BABAM2: variants seen among roughly 807,000 people sequenced by gnomAD.
BABAM2 encodes BRISC and BRCA1-A complex member 2.
A neutral mutation model predicts 54.7 loss-of-function variants in BABAM2; 31 were observed. The observed-to-expected ratio is 0.57, with a 90% CI of 0.43 to 0.77. The LOEUF (loss-of-function observed/expected upper bound fraction) is 0.77. BABAM2 is among the 30% of genes least tolerant of loss of function. The probability of loss-of-function intolerance (pLI) is 0.00; values close to 1 mark genes in which losing one functional copy is unlikely to be tolerated. For synonymous variants in BABAM2, 167 were observed against 162.9 expected (o/e 1.03, Z -0.19); for missense variants, 364 against 455.8 (o/e 0.80, Z 1.83).
At chr2:28,265,566 G>GA (rs1283042110) in intron 10 of BABAM2, among the ~76,000 whole-genome samples, 2 of 152,114 alleles carry the variant, frequency 1.3e-5, no homozygotes, top group Non-Finnish European at 2.9e-5. Context: ...AGCTTTGGGG[G>GA]ATGGGAAAGA....
At chr2:27,987,583 G>A (rs1439926326) in intron 3 of BABAM2, among the ~76,000 whole-genome samples, 6 of 152,070 alleles carry the variant, frequency 3.9e-5, no homozygotes, top group African/African-American at 1.4e-4. Flanking sequence ...GGGAGGCTGA[G>A]GTGGGTTGAT....
intron 4 of BABAM2, among the ~76,000 whole-genome samples, chr2:28,000,861 C>T (rs1480168048): frequency 6.6e-6 from 1 of 152,136 alleles, no homozygotes; most frequent in Non-Finnish European, 1.5e-5. Context: ...CTTTGATATG[C>T]CCCCATCATT....
intron 6 of BABAM2, among the ~76,000 whole-genome samples, chr2:28,124,711 C>T (rs932855296): frequency 1.3e-5 from 2 of 152,190 alleles, no homozygotes; most frequent in Non-Finnish European, 2.9e-5. Context: ...CTCTTACCCA[C>T]TTATCCCCCT....
intron 6 of BABAM2, among the ~76,000 whole-genome samples, chr2:28,067,398 A>G (rs1663704854): frequency 6.6e-6 from 1 of 152,218 alleles, no homozygotes; most frequent in Non-Finnish European, 1.5e-5. Flanking sequence ...CATACTGAAC[A>G]GTTAACCTGA....
At chr2:28,157,136 C>T (rs1672618712) in intron 7 of BABAM2, among the ~76,000 whole-genome samples, 1 of 152,138 alleles carries the variant, frequency 6.6e-6, no homozygotes, top group Admixed American at 6.5e-5. Flanking sequence ...TTCTGTGTCT[C>T]TAATCTTGAC....
At chr2:28,218,036 A>T (rs1462282807) in intron 7 of BABAM2, among the ~76,000 whole-genome samples, 1 of 152,216 alleles carries the variant, frequency 6.6e-6, no homozygotes, top group Non-Finnish European at 1.5e-5. Flanking sequence ...AGAACAAGGA[A>T]CTGTCTTATT....
intron 11 of BABAM2, among the ~76,000 whole-genome samples, chr2:28,335,401 C>A (rs1159632889): frequency 6.6e-6 from 1 of 152,174 alleles, no homozygotes; most frequent in African/African-American, 2.4e-5. Flanking sequence ...AACTCCTGAC[C>A]TTGGGTGATA....
chr2:28,079,906 A>G (rs913709098), intron 6 of BABAM2, among the ~76,000 whole-genome samples: 6 of 152,280 alleles, frequency 3.9e-5, no homozygotes, highest in African/African-American at 1.4e-4. Flanking sequence ...AATAAAAGTT[A>G]TATTATACTA....
intron 8 of BABAM2, among the ~76,000 whole-genome samples, chr2:28,238,518 T>C (rs2148061226): frequency 6.6e-6 from 1 of 152,338 alleles, no homozygotes; most frequent in South Asian, 2.1e-4. Context: ...TACAATAATA[T>C]TTCAAGAGCT....
chr2:28,190,305 A>G (rs1053615194), intron 7 of BABAM2, among the ~76,000 whole-genome samples: 2 of 152,338 alleles, frequency 1.3e-5, no homozygotes, highest in Admixed American at 1.3e-4. Flanking sequence ...AAGCACCGGC[A>G]GATTGAGTGT....
intron 6 of BABAM2, among the ~76,000 whole-genome samples, chr2:28,061,000 C>G (rs1678814380): frequency 2.0e-5 from 3 of 151,986 alleles, no homozygotes; most frequent in African/African-American, 2.4e-5. Context: ...TTTGAAATAC[C>G]AAGGACCTAG....
chr2:28,314,592 C>T lies in BABAM2; in HGVS notation c.1088+16101C>T, dbSNP rs142581575. 1.2e-4 allele frequency among the ~76,000 whole-genome samples: 19 copies of T among 152,330 alleles called. No homozygotes were observed. In the East Asian group the frequency reaches 1.5e-3, roughly 12 times the overall value. On this transcript the variant is annotated intron_variant, in intron 11 of 11. Transcript: ENST00000379624. ...GATCACTAGCCTAGATCACTTTTCCCATTCATTCATTCAGCAGATGTTTAT... is the reference window on the plus strand; with the variant it reads ...GATCACTAGCCTAGATCACTTTTCCTATTCATTCATTCAGCAGATGTTTAT...
intron 3 of BABAM2, among the ~76,000 whole-genome samples, chr2:27,985,603 A>G (rs1313504527): frequency 1.3e-5 from 2 of 152,126 alleles, no homozygotes; most frequent in African/African-American, 4.8e-5. Flanking sequence ...TATTGAATAT[A>G]TTCTATTTGT....
At chr2:28,183,739 T>TCTCTCACACACACACACACA (rs1553336494) in intron 7 of BABAM2, among the ~76,000 whole-genome samples, 29 of 133,218 alleles carry the variant, frequency 2.2e-4, no homozygotes, top group East Asian at 8.6e-4. Context: ...TGGATGAAGA[T>TCTCTCACACACACACACACA]CACACACACA....
intron 6 of BABAM2, among the ~76,000 whole-genome samples, chr2:28,060,304 C>T (rs981669762): frequency 9.2e-5 from 14 of 152,018 alleles, no homozygotes; most frequent in African/African-American, 3.1e-4. Context: ...AGCATATATT[C>T]CTGATTAAAA....
intron 4 of BABAM2, among the ~76,000 whole-genome samples, chr2:28,001,814 C>G (rs756319160): frequency 8.3e-4 from 127 of 152,158 alleles, no homozygotes; most frequent in Middle Eastern, 3.4e-3. Context: ...AGAGTGAGAA[C>G]TCACTCATTA....
At chr2:28,066,706 C>CGT (rs1390250230) in intron 6 of BABAM2, among the ~76,000 whole-genome samples, 2 of 152,198 alleles carry the variant, frequency 1.3e-5, no homozygotes, top group Non-Finnish European at 2.9e-5. Context: ...TCTCCAAAGG[C>CGT]TGCTTGAGTG....
chr2:28,053,613 A>G (rs1678161615), intron 6 of BABAM2, among the ~76,000 whole-genome samples: 1 of 152,174 alleles, frequency 6.6e-6, no homozygotes, highest in Non-Finnish European at 1.5e-5. Context: ...CACTGCAGGG[A>G]ATCTGTCTCT....
intron 9 of BABAM2, among the ~76,000 whole-genome samples, chr2:28,244,486 G>C (rs1682741758): frequency 6.6e-6 from 1 of 151,938 alleles, no homozygotes; most frequent in South Asian, 2.1e-4. Flanking sequence ...ACCCTGTAAT[G>C]AATTTTGCAA....
Sources: gnomAD v4.1 joint callset for allele counts (sites outside exome capture counted in the v4.1 genomes callset) on GRCh38, gnomAD v4.1.1 for gene constraint, MANE v1.5 for transcripts, NCBI Gene and HGNC (gene_info 2026-07-23, HGNC 2026-07-21) for gene names.